Variants in ASIC2 observed in about 807,000 individuals in gnomAD.
ASIC2 encodes the protein acid sensing ion channel subunit 2, also known as acid-sensing ion channel 2.
ASIC2 carries 25 observed loss-of-function variants against 57.3 expected under a neutral mutation model. That is an observed-to-expected ratio of 0.44 (90% CI 0.32 to 0.61). The LOEUF (loss-of-function observed/expected upper bound fraction) is 0.61, where lower values mean the gene tolerates loss of function less well. Ranked by LOEUF, ASIC2 falls within the 20% of genes least tolerant of loss-of-function variation. The probability of loss-of-function intolerance (pLI) is 0.06; values close to 1 mark genes in which losing one functional copy is unlikely to be tolerated. For synonymous variants in ASIC2, 319 were observed against 307.5 expected, an observed-to-expected ratio of 1.04 and a Z score of -0.39; for missense variants, 641 against 738.1, an observed-to-expected ratio of 0.87 and a Z score of 1.52.
chr17:33,142,664 TC>T (rs1567760732), intron 1 of ASIC2, among the ~76,000 whole-genome samples: 1 of 152,184 alleles, frequency 6.6e-6, no homozygotes, highest in Middle Eastern at 3.2e-3. Context: ...CCCTCACTAG[TC>T]CACTTAACTT....
At chr17:33,803,146 A>C (rs1208560526) in intron 1 of ASIC2, among the ~76,000 whole-genome samples, 1 of 152,188 alleles carries the variant, frequency 6.6e-6, no homozygotes, top group Admixed American at 6.6e-5. Context: ...ACTCTGAAGA[A>C]GTGGGTTGGT....
At chr17:33,491,152 G>A (rs138802396) in intron 1 of ASIC2, among the ~76,000 whole-genome samples, 32 of 152,158 alleles carry the variant, frequency 2.1e-4, no homozygotes, top group African/African-American at 7.0e-4. Flanking sequence ...TCATTTTCCT[G>A]CATATCTCTC....
intron 1 of ASIC2, among the ~76,000 whole-genome samples, chr17:33,339,323 A>G (rs1425519858): frequency 6.6e-6 from 1 of 152,114 alleles, no homozygotes; most frequent in African/African-American, 2.4e-5. Context: ...CTTTTCACGT[A>G]GATATTTTTG....
intron 1 of ASIC2, among the ~76,000 whole-genome samples, chr17:34,101,430 T>C (rs369120976): frequency 1.4e-4 from 21 of 152,216 alleles, no homozygotes; most frequent in African/African-American, 4.6e-4. Context: ...CGTCAAGTGC[T>C]TACCTGAAGG....
intron 1 of ASIC2, among the ~76,000 whole-genome samples, chr17:33,760,471 T>C (rs2142111844): frequency 6.6e-6 from 1 of 152,128 alleles, no homozygotes; most frequent in East Asian, 1.9e-4. Flanking sequence ...AGTGTGTGTG[T>C]ATATATATAA....
intron 1 of ASIC2, among the ~76,000 whole-genome samples, chr17:33,491,922 G>C (rs1242554629): frequency 6.6e-6 from 1 of 152,112 alleles, no homozygotes; most frequent in Non-Finnish European, 1.5e-5. Context: ...TTCTCCTCGT[G>C]GCCCTAATTT....
intron 1 of ASIC2, among the ~76,000 whole-genome samples, chr17:33,801,646 G>A (rs190753643): frequency 2.6e-5 from 4 of 152,242 alleles, no homozygotes; most frequent in African/African-American, 4.8e-5. Context: ...CATTCGAGAC[G>A]CTTAGCATAG....
At chr17:33,949,818 C>T (rs1215529847) in intron 1 of ASIC2, among the ~76,000 whole-genome samples, 2 of 152,226 alleles carry the variant, frequency 1.3e-5, no homozygotes, top group African/African-American at 2.4e-5. Flanking sequence ...TGCCTGGCAC[C>T]TAGCAAAGGC....
At chr17:34,060,457 T>G (rs1345549137) in intron 1 of ASIC2, among the ~76,000 whole-genome samples, 1 of 152,034 alleles carries the variant, frequency 6.6e-6, no homozygotes, top group African/African-American at 2.4e-5. Context: ...TCCCAAAAAA[T>G]CACACTAGTT....
intron 1 of ASIC2, among the ~76,000 whole-genome samples, chr17:33,642,743 G>C (rs1410921934): frequency 2.0e-5 from 3 of 152,138 alleles, no homozygotes; most frequent in Non-Finnish European, 4.4e-5. Flanking sequence ...TAATTATATG[G>C]TGCTATCTGA....
intron 1 of ASIC2, among the ~76,000 whole-genome samples, chr17:33,412,139 G>T (rs117984066): frequency 1.2e-3 from 181 of 152,236 alleles, no homozygotes; most frequent in Non-Finnish European, 2.2e-3. Flanking sequence ...TTCAATCTGA[G>T]CCTTCGTTGG....
intron 1 of ASIC2, among the ~76,000 whole-genome samples, chr17:33,382,427 A>T (rs7207448): frequency 6.6e-6 from 1 of 152,154 alleles, no homozygotes; most frequent in Non-Finnish European, 1.5e-5. Context: ...ATATGTCTCC[A>T]GACCCCAAAA....
chr17:33,037,522 G>GCGCAC (rs150342454), intron 3 of ASIC2, among the ~76,000 whole-genome samples: 22,077 of 150,392 alleles, frequency 0.15, 1,678 homozygotes, highest in South Asian at 0.18. Context: ...AAATTACTGT[G>GCGCAC]TGCACAGCAC....
At chr17:33,102,967 T>C (rs1370456038) in intron 2 of ASIC2, among the ~76,000 whole-genome samples, 1 of 152,128 alleles carries the variant, frequency 6.6e-6, no homozygotes, top group East Asian at 1.9e-4. Flanking sequence ...GTATTTTCAG[T>C]AGAGACAGGG....
At chr17:34,021,856 G>A (rs1439123972) in intron 1 of ASIC2, among the ~76,000 whole-genome samples, 1 of 31,404 alleles carries the variant, frequency 3.2e-5, no homozygotes, top group African/African-American at 1.2e-4. Flanking sequence ...TTTTTTTTTT[G>A]AGACAGAGTC....
intron 1 of ASIC2, among the ~76,000 whole-genome samples, chr17:33,331,807 T>A (rs2142226565): frequency 6.6e-6 from 1 of 152,304 alleles, no homozygotes; most frequent in African/African-American, 2.4e-5. Flanking sequence ...AAAATGAAGG[T>A]TTAGGAAAGG....
At chr17:33,579,263 G>T (rs537808450) in intron 1 of ASIC2, among the ~76,000 whole-genome samples, 19 of 141,772 alleles carry the variant, frequency 1.3e-4, no homozygotes, top group East Asian at 6.0e-4. Flanking sequence ...TCCAGCCTGG[G>T]TAGCACGAAT....
At chr17:33,696,300 C>T (rs1008798606) in intron 1 of ASIC2, among the ~76,000 whole-genome samples, 1 of 152,136 alleles carries the variant, frequency 6.6e-6, no homozygotes, top group East Asian at 1.9e-4. Context: ...GGGTGGAGGC[C>T]GTATCTGAAA....
chr17:33,636,196 AACAT>A (rs1360467789), intron 1 of ASIC2, among the ~76,000 whole-genome samples: 5 of 152,266 alleles, frequency 3.3e-5, no homozygotes, highest in Admixed American at 6.5e-5. Flanking sequence ...ATGCAAATAA[AACAT>A]ACAGGGAAAG....
Sources: gnomAD v4.1 joint callset for allele counts (sites outside exome capture counted in the v4.1 genomes callset) on GRCh38, gnomAD v4.1.1 for gene constraint, MANE v1.5 for transcripts, NCBI Gene and HGNC (gene_info 2026-07-23, HGNC 2026-07-21) for gene names.